TMEM272: variants seen among roughly 807,000 people sequenced by gnomAD.
TMEM272 encodes long intergenic non-protein coding RNA 282.
In TMEM272, 8 loss-of-function variants were observed where a neutral mutation model predicts 3.7. The ratio of observed to expected loss-of-function variants is 2.17; its 90% CI spans 1.27 to 3.91. The LOEUF is 3.91. Among genes scored for constraint, TMEM272 ranks in the 30% most tolerant of loss-of-function variants. The probability of loss-of-function intolerance (pLI) is 0.00; values close to 1 mark genes in which losing one functional copy is unlikely to be tolerated. For missense variants in TMEM272, 166 were observed against 91.5 expected (o/e 1.81, Z -3.32); for synonymous variants, 63 against 39.8 (o/e 1.58, Z -2.20).
chr13:51,871,022 C>T, the TMEM272 span, among the ~76,000 whole-genome samples: 1 of 152,014 alleles, frequency 6.6e-6, no homozygotes, highest in Admixed American at 6.6e-5. Context: ...TTGAGACCTT[C>T]CTCCTCCCCA....
chr13:51,928,456 T>C, the TMEM272 span, among the ~76,000 whole-genome samples: 1 of 152,184 alleles, frequency 6.6e-6, no homozygotes, highest in Non-Finnish European at 1.5e-5. Context: ...TTATCCCCAT[T>C]TGTGCAGATG....
the TMEM272 span, among the ~76,000 whole-genome samples, chr13:51,910,855 CTAAAACCTGTATTT>C: frequency 6.6e-6 from 1 of 152,206 alleles, no homozygotes; most frequent in South Asian, 2.1e-4. Context: ...TGAGGCAGCG[CTAAAACCTGTATTT>C]TAAAACAATA....
the TMEM272 span, among the ~76,000 whole-genome samples, chr13:51,884,062 G>C: frequency 6.6e-6 from 1 of 152,196 alleles, no homozygotes; most frequent in Admixed American, 6.5e-5. Flanking sequence ...CCATCAATAA[G>C]TGATACCAAC....
intron 3 of TMEM272, among the ~76,000 whole-genome samples, chr13:51,824,555 T>A (rs1218718265): frequency 6.6e-6 from 1 of 152,196 alleles, no homozygotes; most frequent in Non-Finnish European, 1.5e-5. Flanking sequence ...CTTTCCGCAG[T>A]GGATGTGGTG....
the TMEM272 span, among the ~76,000 whole-genome samples, chr13:51,920,169 T>C: frequency 1.6e-5 from 1 of 62,718 alleles, no homozygotes; most frequent in Non-Finnish European, 3.0e-5. Context: ...TGTGAGCTGC[T>C]GCCTGTATTT....
At chr13:51,839,866 G>T (rs1956246715) in intron 1 of TMEM272, among the ~76,000 whole-genome samples, 1 of 152,182 alleles carries the variant, frequency 6.6e-6, no homozygotes, top group Non-Finnish European at 1.5e-5. Context: ...TGGTTGGGCT[G>T]AGACTCGGGG....
chr13:51,928,306 A>G, the TMEM272 span, among the ~76,000 whole-genome samples: 2 of 152,222 alleles, frequency 1.3e-5, no homozygotes, highest in Non-Finnish European at 2.9e-5. Flanking sequence ...GAATACAGAC[A>G]TCATCACTCT....
At chr13:51,835,566 G>A (rs1956210127) in intron 2 of TMEM272, among the ~76,000 whole-genome samples, 1 of 152,170 alleles carries the variant, frequency 6.6e-6, no homozygotes, top group Non-Finnish European at 1.5e-5. Flanking sequence ...AGCTTTATAG[G>A]AAATGTGGAA....
chr13:51,909,752 G>A, the TMEM272 span: 2 of 1,561,254 alleles, frequency 1.3e-6, no homozygotes, highest in South Asian at 1.1e-5. Context: ...CTAATTCCAA[G>A]TTACCATCAT....
the TMEM272 span, among the ~76,000 whole-genome samples, chr13:51,885,470 C>G: frequency 2.0e-5 from 3 of 152,208 alleles, no homozygotes; most frequent in South Asian, 4.1e-4. Context: ...TGAGAACTCA[C>G]TCACTATCAC....
chr13:51,921,251 G>T, the TMEM272 span: 1 of 152,252 alleles, frequency 6.6e-6, no homozygotes, highest in Non-Finnish European at 1.5e-5. Flanking sequence ...CAGAGCAGAC[G>T]TTCGGATATC....
the TMEM272 span, among the ~76,000 whole-genome samples, chr13:51,913,116 T>C: frequency 1.3e-4 from 20 of 152,214 alleles, no homozygotes; most frequent in African/African-American, 4.8e-4. Flanking sequence ...TGTGCTCATG[T>C]TATCCTAAAG....
In TMEM272 at chr13:51,822,113, G is replaced by A. The variant is rs1383372137; in HGVS notation, c.143C>T (p.Pro48Leu). The change falls in exon 4 of 5, where the codon CCT becomes CTT. Residue 48 changes from proline (P) to leucine (L), a missense_variant. By Grantham distance (98) the Pro-to-Leu change is moderately conservative. Coordinates refer to ENST00000629372, the MANE Select transcript of TMEM272 (RefSeq NM_001351003.2). ...ATATAAAGGAATGAGGGGCTGTATA[G>A]GGCAGTCCTCCAAAAATTTCATTCC... ...FIGMKFLEDCPIQPLIPLYLL... is the reference protein window; with the variant it reads ...FIGMKFLEDCLIQPLIPLYLL... 2 of 699,706 alleles carry A rather than the reference G, an allele frequency of 2.9e-6. No individual in the cohort carries two copies. The highest frequency in any genetic ancestry group is 1.5e-5 in the South Asian group (1 of 67,122). 43.3% of individuals were successfully genotyped at this position (699,706 alleles called of 1,614,324 possible).
At chr13:51,886,806 C>A in the TMEM272 span, among the ~76,000 whole-genome samples, 1 of 152,090 alleles carries the variant, frequency 6.6e-6, no homozygotes, top group African/African-American at 2.4e-5. Flanking sequence ...TATTTTGGTC[C>A]CTGTGCTAAA....
At chr13:51,845,671 T>C (rs926244392), upstream of TMEM272, among the ~76,000 whole-genome samples, 1 of 152,228 alleles carries the variant, frequency 6.6e-6, no homozygotes. Flanking sequence ...AGTGGCCTTC[T>C]TAGACCTGAA....
the TMEM272 span, among the ~76,000 whole-genome samples, chr13:51,879,220 G>A: frequency 3.9e-5 from 6 of 152,294 alleles, no homozygotes; most frequent in African/African-American, 1.2e-4. Context: ...ATAGCGAGGT[G>A]AGAGCCCAGC....
chr13:51,931,989 G>C, the TMEM272 span, among the ~76,000 whole-genome samples: 1 of 152,152 alleles, frequency 6.6e-6, no homozygotes, highest in Non-Finnish European at 1.5e-5. Flanking sequence ...TCTAAAGTAC[G>C]TAGTCTGTGT....
chr13:51,890,084 C>T, the TMEM272 span, among the ~76,000 whole-genome samples: 2 of 152,130 alleles, frequency 1.3e-5, no homozygotes, highest in African/African-American at 4.8e-5. Context: ...TGTGAGGGAC[C>T]TCAGCTCAGA....
At chr13:51,894,695 C>T in the TMEM272 span, among the ~76,000 whole-genome samples, 4 of 152,128 alleles carry the variant, frequency 2.6e-5, no homozygotes, top group Admixed American at 2.6e-4. Context: ...TGGTCCCCAA[C>T]GTTTTTGGCA....
Sources: allele counts gnomAD v4.1 joint callset (sites outside exome capture counted in the v4.1 genomes callset), GRCh38; gene constraint gnomAD v4.1.1; transcripts MANE v1.5; gene names NCBI Gene and HGNC (gene_info 2026-07-23, HGNC 2026-07-21).